The following LDB3 variants were observed in gnomAD, a reference collection of about 807,000 sequenced individuals.
LDB3 encodes LIM domain binding 3, also known as LIM domain-binding protein 3.
In LDB3, 49 loss-of-function variants were observed where a neutral mutation model predicts 69.0. The observed-to-expected ratio is 0.71, with a 90% confidence interval of 0.56 to 0.90. The LOEUF is 0.90. Ranked by LOEUF, LDB3 falls within the 40% of genes least tolerant of loss-of-function variation. The pLI is 0.00. For synonymous variants in LDB3, 387 were observed against 396.2 expected, an observed-to-expected ratio of 0.98 and a Z score of 0.28; for missense variants, 928 against 974.1, an observed-to-expected ratio of 0.95 and a Z score of 0.63.
chr10:86,724,333 G>A (rs7918367), intron 12 of LDB3, among the ~76,000 whole-genome samples: 34,986 of 151,032 alleles, frequency 0.23, 4,735 homozygotes, highest in East Asian at 0.57. Flanking sequence ...GGCTGGGCGC[G>A]GTGGCTCACG....
At chr10:86,707,640 G>GC (rs1396943182) in intron 8 of LDB3, among the ~76,000 whole-genome samples, 1 of 152,142 alleles carries the variant, frequency 6.6e-6, no homozygotes, top group African/African-American at 2.4e-5. Context: ...TCCCACCCTG[G>GC]CCCCCACGGT....
intron 13 of LDB3, chr10:86,726,476 G>T (rs958127628): frequency 1.7e-6 from 1 of 575,512 alleles, no homozygotes; most frequent in East Asian, 3.1e-5. Context: ...TTTCCATTTC[G>T]TTAAGGACAA....
chr10:86,725,075 C>A (rs1443764354), intron 12 of LDB3, among the ~76,000 whole-genome samples: 5 of 152,304 alleles, frequency 3.3e-5, no homozygotes, highest in African/African-American at 4.8e-5. Context: ...AACAGGAAAT[C>A]ACTTAAGAAA....
At chr10:86,700,120 A>C in intron 7 of LDB3, 1 of 940,572 alleles carries the variant, frequency 1.1e-6, no homozygotes, top group Non-Finnish European at 1.3e-6. Context: ...GATCTGGGAC[A>C]GAGAGAGGAC....
chr10:86,731,028 G>T (rs897604587), intron 13 of LDB3, among the ~76,000 whole-genome samples: 1 of 151,304 alleles, frequency 6.6e-6, no homozygotes, highest in Non-Finnish European at 1.5e-5. Flanking sequence ...GGTGGTGGGC[G>T]CCTGTAATCC....
chr10:86,691,958 A>G lies in LDB3; in HGVS notation c.752A>G (p.Lys251Arg), dbSNP rs34423165. ...SASPVYQAVI[K>R]SQNKPEDEAD... is the part of the protein sequence containing the mutation. ...TCTCCCGTCTACCAGGCTGTGATTA[A>G]GAGCCAGAACAAGCCAGAAGATGAG... is the stretch of plus-strand genomic sequence containing the variant. The change falls in exon 6 of 14, where the codon AAG (lysine) becomes AGG (arginine). Residue 251 changes from lysine to arginine, a missense_variant. By Grantham distance (26) the Lys-to-Arg change is conservative. Transcript: ENST00000361373. The G allele has an allele frequency of 4.7e-3, 7,551 of 1,614,166 alleles. 174 individuals carry two copies. The African/African-American group carries it at 0.052, about 11-fold the overall frequency.
chr10:86,702,531 A>AC, intron 7 of LDB3, among the ~76,000 whole-genome samples: 2 of 152,078 alleles, frequency 1.3e-5, no homozygotes, highest in East Asian at 3.9e-4. Flanking sequence ...GGCCACGCCA[A>AC]CCCCCCATGG....
chr10:86,705,828 T>C (rs745921210), intron 7 of LDB3, among the ~76,000 whole-genome samples: 32 of 152,350 alleles, frequency 2.1e-4, no homozygotes, highest in Admixed American at 4.6e-4. Flanking sequence ...CTTTGGGCTA[T>C]TTCAGGTCTG....
At chr10:86,718,632 CT>C in intron 11 of LDB3, 94 bp from the exon 12 acceptor site, 1 of 1,547,958 alleles carries the variant, frequency 6.5e-7, no homozygotes, top group Non-Finnish European at 8.9e-7. Flanking sequence ...GCCCTGTTCC[CT>C]GGTAGGATGC....
chr10:86,717,308 C>T (rs149768467), intron 10 of LDB3, among the ~76,000 whole-genome samples: 11 of 152,216 alleles, frequency 7.2e-5, no homozygotes, highest in Non-Finnish European at 1.2e-4. Context: ...AGCTTATATA[C>T]GTGAAAAATA....
intron 2 of LDB3, among the ~76,000 whole-genome samples, chr10:86,677,528 C>T (rs1184415580): frequency 2.0e-5 from 3 of 152,282 alleles, no homozygotes; most frequent in East Asian, 3.9e-4. Flanking sequence ...CCCAAGAGTG[C>T]AGTCTGAGCC....
rs186073860 is a variant in LDB3, at chr10:86,733,490, T to C, written c.*514T>C. The C allele has an allele frequency of 7.1e-5, 12 of 167,996 alleles. No individual in the cohort carries two copies. The East Asian group carries it at 1.2e-3, about 17-fold the overall frequency. 10.4% of individuals were successfully genotyped at this position (167,996 alleles called of 1,614,324 possible). ...TTCCTCACCAAAAAAGGAAGTGTTA[T>C]TCCATTACTAGCGTCATGGAGCTAC... On this transcript the variant is annotated 3_prime_UTR_variant, in exon 14 of 14. Coordinates refer to ENST00000361373, the MANE Select transcript of LDB3 (RefSeq NM_007078.3).
At chr10:86,694,132 C>T (rs1345253377) in intron 7 of LDB3, among the ~76,000 whole-genome samples, 1 of 152,202 alleles carries the variant, frequency 6.6e-6, no homozygotes, top group Non-Finnish European at 1.5e-5. Context: ...AAGTGCATTG[C>T]AGCAAACTTT....
rs2803557 is a variant in LDB3 at position 86,668,558 on chromosome 10, A to G, written c.-36A>G. On this transcript the variant is annotated 5_prime_UTR_variant, in exon 1 of 14. Coordinates refer to ENST00000361373, the MANE Select transcript of LDB3 (RefSeq NM_007078.3). ...CTCCACGCAGCCCGGCTGGGCAGCA[A>G]GGGACAGAACAGGCAAGGCTGGGGG... The G allele has an allele frequency of 0.014, 10,480 of 767,794 alleles. 120 individuals are homozygous for G. The highest frequency in any genetic ancestry group is 0.02 in the Non-Finnish European group (8,381 of 427,796). 47.6% of individuals were successfully genotyped at this position (767,794 alleles called of 1,614,324 possible).
chr10:86,732,551 G>C (rs760754374), intron 13 of LDB3: 6 of 460,792 alleles, frequency 1.3e-5, no homozygotes, highest in South Asian at 9.3e-5. Flanking sequence ...GCCCAGGCTG[G>C]AGTGCAGTGG....
intron 12 of LDB3, among the ~76,000 whole-genome samples, chr10:86,723,059 G>C (rs889977098): frequency 1.3e-5 from 2 of 151,670 alleles, no homozygotes; most frequent in African/African-American, 4.8e-5. Context: ...TTGAGCCCAG[G>C]AGTTCAAGAA....
chr10:86,717,962 A>G lies in LDB3; in HGVS notation c.1677-2A>G. 6.2e-7 allele frequency: 1 copy of G among 1,614,002 alleles called. No individual in the cohort carries two copies. The highest frequency in any genetic ancestry group is 8.5e-7 in the Non-Finnish European group (1 of 1,179,904). ...ACTGGGTGCCATTCTGTGCTTCCCC[A>G]GGGGCCCATTTCTGGTAGCCATGGG... On this transcript the variant is annotated splice_acceptor_variant, in intron 10 of 13. Coordinates refer to ENST00000361373, the MANE Select transcript of LDB3 (RefSeq NM_007078.3). LOFTEE classifies it high-confidence loss of function.
At chr10:86,672,577 G>T (rs943013113) in intron 2 of LDB3, among the ~76,000 whole-genome samples, 1 of 152,330 alleles carries the variant, frequency 6.6e-6, no homozygotes, top group Non-Finnish European at 1.5e-5. Context: ...CCGCACTGAA[G>T]GTCAGGCAAG....
chr10:86,684,650 C>G (rs1354215930), intron 5 of LDB3, among the ~76,000 whole-genome samples: 9 of 152,188 alleles, frequency 5.9e-5, no homozygotes, highest in African/African-American at 2.2e-4. Flanking sequence ...GGACCGGGGA[C>G]CACTGACTTG....
Sources: gnomAD v4.1 joint callset for allele counts (sites outside exome capture counted in the v4.1 genomes callset) on GRCh38, gnomAD v4.1.1 for gene constraint, MANE v1.5 for transcripts, NCBI Gene and HGNC (gene_info 2026-07-23, HGNC 2026-07-21) for gene names.